The following CNTN5 variants were observed in gnomAD, a reference collection of about 807,000 sequenced individuals.
CNTN5 encodes contactin-5.
Under a neutral mutation model 129.1 loss-of-function variants are expected in CNTN5, and 77 were observed. That is an observed-to-expected ratio of 0.60 (90% CI 0.50 to 0.72). The LOEUF (loss-of-function observed/expected upper bound fraction) is 0.72, where lower values mean the gene tolerates loss of function less well. Ranked by LOEUF, CNTN5 falls within the 30% of genes least tolerant of loss-of-function variation. CNTN5 has a pLI of 0.00. For missense variants in CNTN5, 1,478 were observed against 1,328.8 expected, an observed-to-expected ratio of 1.11 and a Z score of -1.75; for synonymous variants, 509 against 465.6, an observed-to-expected ratio of 1.09 and a Z score of -1.20.
chr11:99,654,711 C>T (rs1318775277), intron 3 of CNTN5, among the ~76,000 whole-genome samples: 1 of 152,030 alleles, frequency 6.6e-6, no homozygotes, highest in Non-Finnish European at 1.5e-5. Flanking sequence ...ACATTAATTG[C>T]ATTTTCTATA....
chr11:99,764,998 A>G (rs1219243396), intron 3 of CNTN5, among the ~76,000 whole-genome samples: 2 of 152,146 alleles, frequency 1.3e-5, no homozygotes, highest in African/African-American at 4.8e-5. Flanking sequence ...TACTGTATCA[A>G]CAATTTTCTC....
chr11:99,688,121 G>C (rs994604153), intron 3 of CNTN5, among the ~76,000 whole-genome samples: 9 of 152,094 alleles, frequency 5.9e-5, no homozygotes, highest in African/African-American at 2.2e-4. Context: ...TTTCTTACTT[G>C]AAGAATCTAC....
chr11:99,446,427 C>G (rs765505968), intron 2 of CNTN5, among the ~76,000 whole-genome samples: 1 of 152,122 alleles, frequency 6.6e-6, no homozygotes, highest in African/African-American at 2.4e-5. Flanking sequence ...TTCAGTATCA[C>G]CTCAGTTTTA....
At chr11:99,319,717 A>G (rs1203825783) in intron 1 of CNTN5, among the ~76,000 whole-genome samples, 2 of 152,136 alleles carry the variant, frequency 1.3e-5, no homozygotes, top group Non-Finnish European at 2.9e-5. Context: ...AAATTTAAAA[A>G]CCATATCTAG....
At chr11:99,895,316 A>G (rs1347032517) in intron 6 of CNTN5, among the ~76,000 whole-genome samples, 1 of 152,204 alleles carries the variant, frequency 6.6e-6, no homozygotes, top group Non-Finnish European at 1.5e-5. Flanking sequence ...AGAAGACTTG[A>G]TCTGTACAGT....
intron 2 of CNTN5, among the ~76,000 whole-genome samples, chr11:99,513,733 G>GAA (rs34798386): frequency 0.063 from 9,462 of 150,056 alleles, 313 homozygotes; most frequent in African/African-American, 0.087. Context: ...AATGCTCAGA[G>GAA]AAAAAAAAAA....
intron 10 of CNTN5, among the ~76,000 whole-genome samples, chr11:100,062,814 A>G (rs1022637974): frequency 6.6e-6 from 1 of 152,238 alleles, no homozygotes; most frequent in Non-Finnish European, 1.5e-5. Flanking sequence ...CACAAAGTTT[A>G]TAACTGTTCA....
At chr11:100,082,210 C>G (rs1272854055) in intron 13 of CNTN5, among the ~76,000 whole-genome samples, 4 of 152,076 alleles carry the variant, frequency 2.6e-5, no homozygotes, top group African/African-American at 9.7e-5. Flanking sequence ...GGTGGCAACG[C>G]AAGTAAATAT....
intron 2 of CNTN5, among the ~76,000 whole-genome samples, chr11:99,397,796 G>A (rs1350441007): frequency 6.6e-6 from 1 of 151,610 alleles, no homozygotes; most frequent in African/African-American, 2.4e-5. Context: ...ATTTCTCCAA[G>A]GATCCCTGGC....
At chr11:99,381,895 T>C (rs977662756) in intron 2 of CNTN5, among the ~76,000 whole-genome samples, 24 of 152,118 alleles carry the variant, frequency 1.6e-4, no homozygotes, top group African/African-American at 4.1e-4. Flanking sequence ...ACCTGGGTAA[T>C]GGTGGCTGCT....
At chr11:99,702,178 T>G (rs1465293467) in intron 3 of CNTN5, among the ~76,000 whole-genome samples, 1 of 151,062 alleles carries the variant, frequency 6.6e-6, no homozygotes, top group African/African-American at 2.4e-5. Context: ...AATTTTCCAT[T>G]TTTATGCACA....
At position 100,255,706 on chromosome 11, in the gene CNTN5, A is replaced by G. The variant is rs1950051105; in HGVS notation, c.2006-54A>G. 4 of 1,484,810 alleles carry G rather than the reference A, an allele frequency of 2.7e-6. No homozygotes were observed. In the South Asian group the frequency reaches 3.6e-5, roughly 13 times the overall value. 92.0% of individuals were successfully genotyped at this position (1,484,810 alleles called of 1,614,324 possible). On this transcript the variant is annotated intron_variant, in intron 16 of 24. Coordinates refer to ENST00000524871, the MANE Select transcript of CNTN5 (RefSeq NM_014361.4). ...CTACATATTGGAAATATAATTTCTC[A>G]TGGCTCCTGATAATAATTTGTGCTT... is the stretch of plus-strand genomic sequence containing the variant.
chr11:100,033,907 C>G (rs900064183), intron 9 of CNTN5, among the ~76,000 whole-genome samples: 1 of 152,168 alleles, frequency 6.6e-6, no homozygotes, highest in African/African-American at 2.4e-5. Context: ...TTGCTAACTT[C>G]AGATCTATAA....
intron 13 of CNTN5, among the ~76,000 whole-genome samples, chr11:100,151,776 G>T (rs1159713681): frequency 6.6e-6 from 1 of 152,016 alleles, no homozygotes; most frequent in African/African-American, 2.4e-5. Context: ...AAGACTGACT[G>T]CTACTTATAC....
intron 1 of CNTN5, among the ~76,000 whole-genome samples, chr11:99,162,425 A>T (rs1860663179): frequency 6.6e-6 from 1 of 152,212 alleles, no homozygotes; most frequent in Admixed American, 6.5e-5. Flanking sequence ...TAAGCATGAA[A>T]TTAAGCATGT....
intron 18 of CNTN5, among the ~76,000 whole-genome samples, chr11:100,292,979 T>C (rs192080637): frequency 3.2e-4 from 48 of 152,014 alleles, no homozygotes; most frequent in African/African-American, 1.2e-3. Context: ...TTGTCCATGA[T>C]GGTGACTTAG....
intron 17 of CNTN5, 69 bp downstream of exon 17, chr11:100,255,987 A>C (rs867585194): frequency 7.2e-7 from 1 of 1,383,890 alleles, no homozygotes; most frequent in Middle Eastern, 1.8e-4. Flanking sequence ...ATATTTGGCT[A>C]AGGTCTTACT....
chr11:99,930,928 G>A (rs1027617960), intron 7 of CNTN5, among the ~76,000 whole-genome samples: 2 of 152,046 alleles, frequency 1.3e-5, no homozygotes, highest in African/African-American at 4.8e-5. Flanking sequence ...GGAAATGCTT[G>A]AGAAATAAAG....
chr11:99,253,167 G>A (rs1862201722), intron 1 of CNTN5, among the ~76,000 whole-genome samples: 1 of 152,062 alleles, frequency 6.6e-6, no homozygotes, highest in South Asian at 2.1e-4. Flanking sequence ...CAGTGGATAA[G>A]TAGTGAATAA....
Sources: gnomAD v4.1 joint callset for allele counts (sites outside exome capture counted in the v4.1 genomes callset) on GRCh38, gnomAD v4.1.1 for gene constraint, MANE v1.5 for transcripts, NCBI Gene and HGNC (gene_info 2026-07-23, HGNC 2026-07-21) for gene names.